Variants in ASNS observed in about 807,000 individuals in gnomAD.
The protein encoded by ASNS is asparagine synthetase (glutamine-hydrolyzing).
Under a neutral mutation model 62.6 loss-of-function variants are expected in ASNS, and 37 were observed. The observed-to-expected ratio is 0.59, with a 90% CI of 0.45 to 0.78. ASNS has a LOEUF of 0.78. Among genes scored for constraint, ASNS ranks in the 30% least tolerant of loss-of-function variants. The probability of loss-of-function intolerance (pLI) is 0.00; values close to 1 mark genes in which losing one functional copy is unlikely to be tolerated. For missense variants in ASNS, 520 were observed against 682.4 expected (o/e 0.76, Z 2.65); for synonymous variants, 207 against 237.9 (o/e 0.87, Z 1.19).
At chr7:97,924,573 C>T in the ASNS span, among the ~76,000 whole-genome samples, 1 of 152,344 alleles carries the variant, frequency 6.6e-6, no homozygotes, top group East Asian at 1.9e-4. Context: ...TGCAGGTCCC[C>T]AGCGTGGGAG....
the ASNS span, chr7:97,908,973 G>C: frequency 6.6e-6 from 1 of 152,226 alleles, no homozygotes; most frequent in South Asian, 2.1e-4. Flanking sequence ...GCAAAAGAAC[G>C]AACCCTCAAG....
At chr7:97,916,092 CAG>C in the ASNS span, among the ~76,000 whole-genome samples, 1 of 151,994 alleles carries the variant, frequency 6.6e-6, no homozygotes, top group African/African-American at 2.4e-5. Context: ...CAGAATGACA[CAG>C]AATTCCAGCC....
intron 4 of ASNS, among the ~76,000 whole-genome samples, chr7:97,861,445 G>A (rs1428926333): frequency 1.3e-5 from 2 of 152,038 alleles, no homozygotes; most frequent in Non-Finnish European, 2.9e-5. Flanking sequence ...GAATAATCTT[G>A]GCACCCTTGT....
chr7:97,864,102 G>A (rs868177894), intron 4 of ASNS, 157 bp downstream of exon 4: 10 of 617,556 alleles, frequency 1.6e-5, no homozygotes, highest in Admixed American at 3.2e-5. Flanking sequence ...CTGAAAAGGA[G>A]AGTACAACTC....
At chr7:97,914,151 CATGGATGG>C in the ASNS span, among the ~76,000 whole-genome samples, 53,358 of 124,608 alleles carry the variant, frequency 0.43, 11,677 homozygotes, top group East Asian at 0.71. Context: ...TGGATGGATG[CATGGATGG>C]ATGGATGGAT....
At chr7:97,904,726 G>T in the ASNS span, among the ~76,000 whole-genome samples, 4 of 32,802 alleles carry the variant, frequency 1.2e-4, no homozygotes, top group African/African-American at 2.0e-4. Context: ...TTTCATAAAA[G>T]AGAAAAAATG....
chr7:97,927,759 G>T, the ASNS span, among the ~76,000 whole-genome samples: 9 of 151,386 alleles, frequency 5.9e-5, no homozygotes, highest in Non-Finnish European at 1.2e-4. Context: ...CCTTCTCCCG[G>T]GATCTCAGAG....
the ASNS span, among the ~76,000 whole-genome samples, chr7:97,918,280 A>G: frequency 6.6e-6 from 1 of 152,226 alleles, no homozygotes; most frequent in Admixed American, 6.5e-5. Context: ...AATTTTGCAC[A>G]GGATGCAAAT....
chr7:97,878,348 G>C, the ASNS span, among the ~76,000 whole-genome samples: 1 of 152,196 alleles, frequency 6.6e-6, no homozygotes, highest in Admixed American at 6.5e-5. Context: ...AGAGGGTCGT[G>C]ATCATGAGAG....
chr7:97,860,865 C>T (rs1461358223), intron 4 of ASNS, among the ~76,000 whole-genome samples: 1 of 151,976 alleles, frequency 6.6e-6, no homozygotes, highest in African/African-American at 2.4e-5. Flanking sequence ...TTGATGAAGT[C>T]CAATTCATTG....
At chr7:97,854,524 G>C in intron 10 of ASNS, 56 bp downstream of exon 10, 1 of 1,582,842 alleles carries the variant, frequency 6.3e-7, no homozygotes, top group Non-Finnish European at 8.6e-7. Context: ...TTTTTGTTTT[G>C]TTTTGTTTTT....
the ASNS span, among the ~76,000 whole-genome samples, chr7:97,896,702 G>GTA: frequency 8.4e-3 from 540 of 63,914 alleles, 11 homozygotes; most frequent in East Asian, 0.014. Context: ...GTATATATGT[G>GTA]TATATATATA....
rs138890390 is a variant in ASNS at position 97,852,839 on chromosome 7, C to T, written c.1476+221G>A. 1.6e-3 allele frequency among the ~76,000 whole-genome samples: 243 copies of T among 152,214 alleles called. 3 individuals carry two copies. Among genetic ancestry groups the T allele is most frequent in the Middle Eastern group, 0.01 (3 of 294 alleles). ...AATCCTTCATGCTACTTAATTCTTA[C>T]GTAATTCTTACAAAAGAGATAATTG... On this transcript the variant is annotated intron_variant, in intron 12 of 12. Coordinates refer to ENST00000394308, the MANE Select transcript of ASNS (RefSeq NM_001673.5).
chr7:97,905,262 C>A, the ASNS span, among the ~76,000 whole-genome samples: 1 of 152,156 alleles, frequency 6.6e-6, no homozygotes, highest in African/African-American at 2.4e-5. Flanking sequence ...CAGCCTGGAC[C>A]TTACAGTCAC....
the ASNS span, among the ~76,000 whole-genome samples, chr7:97,906,206 AT>A: frequency 6.6e-6 from 1 of 152,204 alleles, no homozygotes; most frequent in Admixed American, 6.5e-5. Flanking sequence ...CTCGGCTAGA[AT>A]AACAGAAGCC....
At chr7:97,896,660 A>G in the ASNS span, among the ~76,000 whole-genome samples, 1 of 135,730 alleles carries the variant, frequency 7.4e-6, no homozygotes, top group Non-Finnish European at 1.6e-5. Context: ...ATATATACGT[A>G]TATATGTATA....
chr7:97,858,410 A>C lies in ASNS; in HGVS notation c.776-5T>G. 5.0e-6 allele frequency: 8 copies of C among 1,614,038 alleles called. No individual in the cohort carries two copies. Among genetic ancestry groups the C allele is most frequent in the Non-Finnish European group, 6.8e-6 (8 of 1,179,926 alleles). ...CCAAGCTGGAGTCCAAGCCCCCTAC[A>C]TGCAAAAGAGGAAGTGGAAGTGTCC... On this transcript the variant is annotated splice_polypyrimidine_tract_variant and splice_region_variant and intron_variant, in intron 6 of 12. Transcript: ENST00000394308.
the ASNS span, among the ~76,000 whole-genome samples, chr7:97,907,984 A>T: frequency 6.6e-6 from 1 of 152,186 alleles, no homozygotes; most frequent in Non-Finnish European, 1.5e-5. Flanking sequence ...CCAAGAAATT[A>T]AAAAATAAGC....
chr7:97,876,132 T>C (rs7803035), upstream of ASNS, among the ~76,000 whole-genome samples: 47,533 of 152,036 alleles, frequency 0.31, 7,593 homozygotes, highest in East Asian at 0.44. Context: ...GCTGAGATGA[T>C]AGGCATGAGC....
Sources: allele counts gnomAD v4.1 joint callset (sites outside exome capture counted in the v4.1 genomes callset), GRCh38; gene constraint gnomAD v4.1.1; transcripts MANE v1.5; gene names NCBI Gene and HGNC (gene_info 2026-07-23, HGNC 2026-07-21).